Variants in BUB3 observed in about 807,000 individuals in gnomAD.
BUB3 encodes the protein BUB3 mitotic checkpoint protein, also known as mitotic checkpoint protein BUB3.
A neutral mutation model predicts 39.9 loss-of-function variants in BUB3; 22 were observed. The ratio of observed to expected loss-of-function variants is 0.55; its 90% CI spans 0.39 to 0.79. BUB3 has a LOEUF of 0.79. BUB3 is among the 30% of genes least tolerant of loss of function. The probability of loss-of-function intolerance (pLI) is 0.00; values close to 1 mark genes in which losing one functional copy is unlikely to be tolerated. For missense variants in BUB3, 303 were observed against 415.4 expected (o/e 0.73, Z 2.35); for synonymous variants, 168 against 155.1 (o/e 1.08, Z -0.62).
chr10:123,159,373 CCT>C (rs1359096628), intron 4 of BUB3, among the ~76,000 whole-genome samples: 4 of 152,272 alleles, frequency 2.6e-5, no homozygotes, highest in African/African-American at 4.8e-5. Context: ...TGCCATGGGG[CCT>C]CTCTGCATTT....
Position 123,163,886 on chromosome 10 carries a change from A to G in BUB3, c.*51A>G. The G allele has an allele frequency of 6.4e-7, 1 of 1,564,614 alleles. No homozygotes were observed. Among genetic ancestry groups the G allele is most frequent in the Non-Finnish European group, 8.8e-7 (1 of 1,142,688 alleles). On this transcript the variant is annotated 3_prime_UTR_variant, in exon 8 of 8. Transcript: ENST00000368865. ...TGTTGATGATAATAAAACAATTCGTACTCCCCAATGGTGGATTTATTACTA... is the reference window on the plus strand; with the variant it reads ...TGTTGATGATAATAAAACAATTCGTGCTCCCCAATGGTGGATTTATTACTA...
rs1476330899 is a variant in BUB3, at chr10:123,164,517, ATTGT to A, written c.*686_*689del. The A allele has an allele frequency of 8.1e-6, 8 of 985,670 alleles. No homozygotes were observed. The African/African-American group carries it at 1.4e-4, about 17-fold the overall frequency. The allele number at this position is 985,670 out of a possible 1,614,324, so 61.1% of individuals were successfully genotyped here. On this transcript the variant is annotated 3_prime_UTR_variant, in exon 8 of 8. Transcript: ENST00000368865. ...CAAACAATTGATCCCAGAAGGGCAA[ATTGT>A]TTGAGTCAGTAATGAGCTGAGAAAA... is the stretch of plus-strand genomic sequence containing the variant.
At position 123,167,989 on chromosome 10, in the gene BUB3, C is replaced by T. The variant is rs773809803; in HGVS notation, c.*4154C>T. The T allele has an allele frequency of 2.0e-5, 3 of 151,234 alleles. No homozygotes were observed. Among genetic ancestry groups the T allele is most frequent in the East Asian group, 1.9e-4 (1 of 5,134 alleles). 9.4% of individuals were successfully genotyped at this position (151,234 alleles called of 1,614,324 possible). A position where few individuals can be genotyped will look rare whatever the true frequency, so the allele number is the denominator to read the frequency against. On this transcript the variant is annotated 3_prime_UTR_variant, in exon 8 of 8. Transcript: ENST00000368865. Reference sequence around the variant, plus strand: ...TTTTTTTTCTCCTTTTTCTGGAGAACGGGGTCTCGCTATACTGCCCAGGCA... The same window carrying T: ...TTTTTTTTCTCCTTTTTCTGGAGAATGGGGTCTCGCTATACTGCCCAGGCA...
At chr10:123,157,091 C>T (rs549427305) in intron 3 of BUB3, among the ~76,000 whole-genome samples, 7 of 152,130 alleles carry the variant, frequency 4.6e-5, no homozygotes, top group Admixed American at 2.6e-4. Context: ...GATTCTGGTA[C>T]ATAGTAGATG....
At position 123,164,022 on chromosome 10, in the gene BUB3, A is replaced by C. The variant is rs1024869523; in HGVS notation, c.*187A>C. On this transcript the variant is annotated 3_prime_UTR_variant, in exon 8 of 8. Transcript: ENST00000368865. ...ATAAACACCTTCTTAAGTGCATGAG[A>C]TGGTTTGATGGTTTGCTGCATTAAA... The C allele has an allele frequency of 1.6e-6, 2 of 1,283,426 alleles. No homozygotes were observed. Among genetic ancestry groups the C allele is most frequent in the Admixed American group, 4.1e-5 (1 of 24,540 alleles). The allele number at this position is 1,283,426 out of a possible 1,614,324, so 79.5% of individuals were successfully genotyped here. A position where few individuals can be genotyped will look rare whatever the true frequency, so the allele number is the denominator to read the frequency against.
At chr10:123,161,496 T>G (rs1290719121) in intron 5 of BUB3, among the ~76,000 whole-genome samples, 5 of 152,220 alleles carry the variant, frequency 3.3e-5, no homozygotes, top group Non-Finnish European at 7.3e-5. Context: ...TGCCATTATA[T>G]CTAATATTTT....
rs77388907 is a variant in BUB3, at chr10:123,157,254, A to G, written c.266-475A>G. 5.3e-3 allele frequency among the ~76,000 whole-genome samples: 801 copies of G among 152,368 alleles called. 4 individuals are homozygous for G. Among genetic ancestry groups the G allele is most frequent in the African/African-American group, 0.019 (771 of 41,584 alleles). ...CTTTAGCCATGTAAATAAGTTTCTT[A>G]GCAGCATTGGCTTAATGTTCAACAT... On this transcript the variant is annotated intron_variant, in intron 3 of 7. Coordinates refer to ENST00000368865, the MANE Select transcript of BUB3 (RefSeq NM_004725.4).
intron 3 of BUB3, among the ~76,000 whole-genome samples, chr10:123,156,218 C>A (rs970601902): frequency 2.6e-5 from 4 of 152,182 alleles, no homozygotes; most frequent in African/African-American, 9.7e-5. Context: ...GAATGAGTAA[C>A]TAGATGATAC....
chr10:123,162,028 G>C (rs35103813), intron 5 of BUB3, among the ~76,000 whole-genome samples: 1 of 152,166 alleles, frequency 6.6e-6, no homozygotes, highest in Non-Finnish European at 1.5e-5. Context: ...CAAGGCCCTG[G>C]TACCTGTGAG....
intron 6 of BUB3, 70 bp from the exon 7 acceptor site, chr10:123,162,542 C>A (rs769341898): frequency 2.6e-6 from 4 of 1,557,350 alleles, no homozygotes; most frequent in Non-Finnish European, 3.5e-6. Context: ...TAAAAATTAA[C>A]TGTTAAGAGA....
intron 5 of BUB3, among the ~76,000 whole-genome samples, chr10:123,161,697 A>C (rs1465285040): frequency 2.0e-5 from 3 of 152,192 alleles, no homozygotes; most frequent in Non-Finnish European, 4.4e-5. Context: ...AGATGAAAAA[A>C]CGTTTAAAAT....
intron 3 of BUB3, 27 bp from the exon 4 acceptor site, chr10:123,157,702 T>A (rs749627889): frequency 1.9e-6 from 3 of 1,546,580 alleles, no homozygotes; most frequent in Non-Finnish European, 2.6e-6. Context: ...GATGTTGGGG[T>A]TTTTTCCCCT....
At position 123,160,416 on chromosome 10, in the gene BUB3, C is replaced by G. The variant is rs888737159; in HGVS notation, c.427C>G (p.Leu143Val). Reference sequence around the variant, plus strand: ...TGATCTTTTTTAAAAGGTATATACCCTCTCAGTGTCTGGAGACCGGCTGAT... The same window carrying G: ...TGATCTTTTTTAAAAGGTATATACCGTCTCAGTGTCTGGAGACCGGCTGAT... ...TFSQPEKVYTLSVSGDRLIVG... is the reference protein window; with the variant it reads ...TFSQPEKVYTVSVSGDRLIVG... The change falls in exon 5 of 8, where the codon CTC becomes GTC. Residue 143 changes from leucine to valine, a missense_variant. Physicochemically the swap from Leu to Val is conservative, Grantham distance 32 (BLOSUM62 1). This residue lies in a region of BUB3 where 182 missense variants were observed against 293.1 expected (regional missense o/e 0.62). Transcript: ENST00000368865. 1 of 1,601,088 alleles carries G rather than the reference C, an allele frequency of 6.2e-7. No individual in the cohort carries two copies. Among genetic ancestry groups the G allele is most frequent in the African/African-American group, 1.4e-5 (1 of 73,996 alleles).
rs552637983 is a variant in BUB3, at chr10:123,162,967, G to T, written c.971+139G>T. ...GTAGGGTTGGAGTTGATGTTATCAT[G>T]TTCTCCCAAGCTTTCAATATCCGTA... On this transcript the variant is annotated intron_variant, in intron 7 of 7. Coordinates refer to ENST00000368865, the MANE Select transcript of BUB3 (RefSeq NM_004725.4). The T allele has an allele frequency of 3.6e-5, 29 of 805,326 alleles. No homozygotes were observed. The African/African-American group carries it at 4.8e-4, about 13-fold the overall frequency. 49.9% of individuals were successfully genotyped at this position (805,326 alleles called of 1,614,324 possible). A position where few individuals can be genotyped will look rare whatever the true frequency, so the allele number is the denominator to read the frequency against.
In BUB3 at chr10:123,166,307, G is replaced by C. The variant is rs1441574658; in HGVS notation, c.*2472G>C. The C allele has an allele frequency of 2.6e-5, 4 of 152,200 alleles. No individual in the cohort carries two copies. Among genetic ancestry groups the C allele is most frequent in the Non-Finnish European group, 5.9e-5 (4 of 68,058 alleles). 9.4% of individuals were successfully genotyped at this position (152,200 alleles called of 1,614,324 possible). On this transcript the variant is annotated 3_prime_UTR_variant, in exon 8 of 8. Coordinates refer to ENST00000368865, the MANE Select transcript of BUB3 (RefSeq NM_004725.4). ...TGCCTTAAGTCCTCCATCTAATAGA[G>C]TAGTGACTTTTGAACCTTGTAGTTG...
intron 4 of BUB3, 114 bp downstream of exon 4, chr10:123,157,994 A>G (rs552924732): frequency 7.2e-6 from 8 of 1,112,438 alleles, no homozygotes; most frequent in Middle Eastern, 2.1e-4. Flanking sequence ...ACATGGGGGG[A>G]AAAAAGGTTG....
intron 1 of BUB3, among the ~76,000 whole-genome samples, 157 bp downstream of exon 1, chr10:123,154,642 G>C (rs1043620920): frequency 6.6e-6 from 1 of 152,182 alleles, no homozygotes; most frequent in East Asian, 1.9e-4. Flanking sequence ...CCCCGGGAGA[G>C]GGGAAAGGGA....
rs1176415605 is a variant in BUB3 at position 123,169,675 on chromosome 10, C to T, written c.*5840C>T. 6 of 152,216 alleles carry T rather than the reference C, an allele frequency of 3.9e-5. No individual in the cohort carries two copies. The highest frequency in any genetic ancestry group is 8.8e-5 in the Non-Finnish European group (6 of 68,036). 9.4% of individuals were successfully genotyped at this position (152,216 alleles called of 1,614,324 possible). On this transcript the variant is annotated 3_prime_UTR_variant, in exon 8 of 8. Coordinates refer to ENST00000368865, the MANE Select transcript of BUB3 (RefSeq NM_004725.4). ...ATACTTTAAAAAGAAGGGAGCCTAG[C>T]ATCTTGTCAAATCTTTGAGCCCACT...
intron 6 of BUB3, 38 bp from the exon 7 acceptor site, chr10:123,162,574 G>A: frequency 6.5e-7 from 1 of 1,534,176 alleles, no homozygotes; most frequent in Non-Finnish European, 8.8e-7. Flanking sequence ...TGTATCTGGT[G>A]TTAAGAACCA....
Sources: gnomAD v4.1 joint callset for allele counts (sites outside exome capture counted in the v4.1 genomes callset) on GRCh38, gnomAD v4.1.1 for gene constraint, gnomAD v4.1.1 regional missense constraint, MANE v1.5 for transcripts, NCBI Gene and HGNC (gene_info 2026-07-23, HGNC 2026-07-21) for gene names.